The following DNAH5 variants were observed in gnomAD, a reference collection of about 807,000 sequenced individuals.
The protein encoded by DNAH5 is dynein axonemal heavy chain 5, also known as axonemal beta dynein heavy chain 5.
Under a neutral mutation model 518.2 loss-of-function variants are expected in DNAH5, and 372 were observed. That is an observed-to-expected ratio of 0.72 (90% CI 0.66 to 0.78). The LOEUF (loss-of-function observed/expected upper bound fraction) is 0.78. Among genes scored for constraint, DNAH5 ranks in the 30% least tolerant of loss-of-function variants. The pLI is 0.00. For synonymous variants in DNAH5, 2,039 were observed against 2,025.9 expected (o/e 1.01, Z -0.17); for missense variants, 5,523 against 5,687.0 (o/e 0.97, Z 0.93).
intron 47 of DNAH5, 146 bp from the exon 48 acceptor site, chr5:13,794,204 T>C: frequency 1.0e-6 from 1 of 960,600 alleles, no homozygotes; most frequent in South Asian, 1.6e-5. Flanking sequence ...TTCTAACAAA[T>C]TCTAAAGTAC....
chr5:13,761,465 C>A (rs998868569), intron 60 of DNAH5, among the ~76,000 whole-genome samples: 1 of 151,784 alleles, frequency 6.6e-6, no homozygotes, highest in African/African-American at 2.4e-5. Context: ...TGGTGGTGGG[C>A]GCCTGTAGTC....
intron 7 of DNAH5, 91 bp downstream of exon 7, chr5:13,919,085 A>AT (rs938919116): frequency 6.7e-6 from 10 of 1,494,278 alleles, no homozygotes; most frequent in East Asian, 2.3e-5. Context: ...GTATAATAAC[A>AT]TTTTTTTGTT....
chr5:13,932,751 G>A (rs1048210525), intron 1 of DNAH5, among the ~76,000 whole-genome samples: 5 of 152,188 alleles, frequency 3.3e-5, no homozygotes, highest in African/African-American at 9.7e-5. Context: ...CAGTCAGGTG[G>A]GTGATGGTGG....
rs574899358 is a variant in DNAH5, at chr5:13,923,095, C to G, written c.438+185G>C. On this transcript the variant is annotated intron_variant, in intron 4 of 78. Coordinates refer to ENST00000265104, the MANE Select transcript of DNAH5 (RefSeq NM_001369.3). ...GTTAATAAATTGAATATTAAGTCCT[C>G]TTACTCAAAAGATTTAAAGGGAATG... Among the ~76,000 whole-genome samples, 60 of 152,312 alleles carry G rather than the reference C, an allele frequency of 3.9e-4. No homozygotes were observed. In the Middle Eastern group the frequency reaches 0.01, roughly 26 times the overall value.
chr5:13,974,809 C>G (rs1271297650), intron 1 of DNAH5, among the ~76,000 whole-genome samples: 1 of 152,200 alleles, frequency 6.6e-6, no homozygotes, highest in African/African-American at 2.4e-5. Flanking sequence ...ACTACTACCA[C>G]CGCTACTCCC....
intron 43 of DNAH5, 72 bp downstream of exon 43, chr5:13,814,533 G>T: frequency 1.3e-6 from 2 of 1,503,518 alleles, no homozygotes; most frequent in Non-Finnish European, 9.2e-7. Context: ...AGAAAAATTG[G>T]CACACACACT....
At chr5:13,819,841 G>C (rs1761984707) in intron 41 of DNAH5, among the ~76,000 whole-genome samples, 1 of 152,120 alleles carries the variant, frequency 6.6e-6, no homozygotes. Context: ...ATTGGGATTG[G>C]GATGACTTCG....
intron 70 of DNAH5, among the ~76,000 whole-genome samples, chr5:13,725,057 G>A (rs1436043124): frequency 1.3e-5 from 2 of 152,196 alleles, no homozygotes; most frequent in East Asian, 3.8e-4. Context: ...GTCCCAGGCA[G>A]TGCAACAGGT....
intron 8 of DNAH5, 59 bp from the exon 9 acceptor site, chr5:13,916,514 G>A (rs904539005): frequency 1.2e-6 from 1 of 847,990 alleles, no homozygotes; most frequent in African/African-American, 1.7e-5. Flanking sequence ...AATTCTAATA[G>A]ACTAACCATT....
In DNAH5 at chr5:13,791,238, G is replaced by A. The variant is rs149595829; in HGVS notation, c.8448+756C>T. 1.1e-3 allele frequency among the ~76,000 whole-genome samples: 162 copies of A among 152,210 alleles called. 1 individual carries two copies. The highest frequency in any genetic ancestry group is 2.0e-3 in the Non-Finnish European group (138 of 67,992). The stretch of plus-strand genomic sequence containing the variant: ...TTTAACTGTCTCTGTGTGTTTATAT[G>A]GAGAAGTCCCCTAAAACCCATTTGC... On this transcript the variant is annotated intron_variant, in intron 50 of 78. Coordinates refer to ENST00000265104, the MANE Select transcript of DNAH5 (RefSeq NM_001369.3).
At chr5:13,890,560 G>T (rs761454559) in intron 17 of DNAH5, among the ~76,000 whole-genome samples, 2 of 152,120 alleles carry the variant, frequency 1.3e-5, no homozygotes, top group African/African-American at 2.4e-5. Context: ...CCAGAATTGT[G>T]TGCTATAGAA....
upstream of DNAH5, among the ~76,000 whole-genome samples, chr5:13,945,707 G>A (rs1427899366): frequency 6.6e-6 from 1 of 152,066 alleles, no homozygotes. Context: ...CCAGGCTCAG[G>A]TGATCCTCCC....
At chr5:13,913,341 A>G (rs886662592) in intron 11 of DNAH5, among the ~76,000 whole-genome samples, 17 of 152,046 alleles carry the variant, frequency 1.1e-4, no homozygotes, top group Non-Finnish European at 1.5e-5. Flanking sequence ...GTCCAAATAA[A>G]ATGCTTAAAT....
chr5:13,737,419 T>G lies in DNAH5; in HGVS notation c.11288A>C (p.Asn3763Thr). 1.2e-6 allele frequency: 2 copies of G among 1,614,166 alleles called. No homozygotes were observed. Among genetic ancestry groups the G allele is most frequent in the Non-Finnish European group, 1.7e-6 (2 of 1,180,014 alleles). Residue 3763 changes from asparagine (N) to threonine (T), a missense_variant, in exon 66 of 79, where the codon AAC (asparagine) becomes ACC (threonine). By Grantham distance (65) the Asn-to-Thr change is moderately conservative (BLOSUM62 0). This residue lies in a region of DNAH5 where 5,121 missense variants were observed against 5,223.3 expected (regional missense o/e 0.98). Coordinates refer to ENST00000265104, the MANE Select transcript of DNAH5 (RefSeq NM_001369.3). ...GGTACTTGTCAGGCGGTAAAGCAAGTTATCTTCTAGTTCCTTCATCCTTCT... is the reference window on the plus strand; with the variant it reads ...GGTACTTGTCAGGCGGTAAAGCAAGGTATCTTCTAGTTCCTTCATCCTTCT... ...NKRRMKELED[N>T]LLYRLTSTQG...
intron 1 of DNAH5, among the ~76,000 whole-genome samples, chr5:14,004,940 T>A (rs1784617330): frequency 6.6e-6 from 1 of 152,136 alleles, no homozygotes; most frequent in African/African-American, 2.4e-5. Flanking sequence ...TGGCCCATCG[T>A]GTCCCAAACC....
chr5:13,801,605 G>C (rs1580320446), intron 47 of DNAH5, among the ~76,000 whole-genome samples: 1 of 152,074 alleles, frequency 6.6e-6, no homozygotes, highest in African/African-American at 2.4e-5. Context: ...AAATGACTGC[G>C]ACTGTCTCCT....
Position 13,992,744 on chromosome 5 carries a change from C to A in DNAH5, c.12+18904G>T, listed in dbSNP as rs566704251. Among the ~76,000 whole-genome samples, 6 of 152,150 alleles carry A rather than the reference C, an allele frequency of 3.9e-5. No individual in the cohort carries two copies. The East Asian group carries it at 9.7e-4, about 24-fold the overall frequency. On this transcript the variant is annotated intron_variant, in intron 1 of 78. Transcript: ENST00000681290. ...TTATTTCCCAATACTAAAAGGAGAT[C>A]AAAAAGGTAAAAATACATTATTGGC...
chr5:13,784,096 G>A (rs1257645973), intron 52 of DNAH5, among the ~76,000 whole-genome samples: 1 of 152,164 alleles, frequency 6.6e-6, no homozygotes, highest in Non-Finnish European at 1.5e-5. Context: ...GAATCATGGA[G>A]AAAACGGCAG....
At chr5:13,827,763 C>T (rs1294110759) in intron 38 of DNAH5, among the ~76,000 whole-genome samples, 1 of 151,914 alleles carries the variant, frequency 6.6e-6, no homozygotes, top group Non-Finnish European at 1.5e-5. Context: ...CCATAATCCC[C>T]ACATGTCACT....
Sources: gnomAD v4.1 joint callset for allele counts (sites outside exome capture counted in the v4.1 genomes callset) on GRCh38, gnomAD v4.1.1 for gene constraint, gnomAD v4.1.1 regional missense constraint, MANE v1.5 for transcripts, NCBI Gene and HGNC (gene_info 2026-07-23, HGNC 2026-07-21) for gene names.